Variants in PALM2AKAP2 observed in about 807,000 individuals in gnomAD.
PALM2AKAP2 encodes the protein PALM2-AKAP2 fusion protein.
In PALM2AKAP2, 37 loss-of-function variants were observed where a neutral mutation model predicts 71.5. The ratio of observed to expected loss-of-function variants is 0.52; its 90% CI spans 0.40 to 0.68. PALM2AKAP2 has a LOEUF of 0.68. PALM2AKAP2 is among the 30% of genes least tolerant of loss of function. The pLI is 0.00. For missense variants in PALM2AKAP2, 1,224 were observed against 1,191.8 expected (o/e 1.03, Z -0.40); for synonymous variants, 468 against 478.8 (o/e 0.98, Z 0.29).
chr9:109,965,662 G>A (rs1831932087), intron 6 of PALM2AKAP2, among the ~76,000 whole-genome samples: 1 of 152,148 alleles, frequency 6.6e-6, no homozygotes, highest in Non-Finnish European at 1.5e-5. Flanking sequence ...GGCGGTGATG[G>A]TTGCACAACA....
chr9:110,145,343 C>T (rs1324715919), intron 2 of PALM2AKAP2, among the ~76,000 whole-genome samples: 2 of 152,198 alleles, frequency 1.3e-5, no homozygotes, highest in African/African-American at 4.8e-5. Flanking sequence ...TCCACATCAG[C>T]CATCTAGCCT....
At chr9:109,781,759 A>C (rs1263009517) in intron 1 of PALM2AKAP2, among the ~76,000 whole-genome samples, 1 of 152,352 alleles carries the variant, frequency 6.6e-6, no homozygotes, top group East Asian at 1.9e-4. Flanking sequence ...TGGTTTGCCT[A>C]TTAGGTAATC....
intron 1 of PALM2AKAP2, among the ~76,000 whole-genome samples, chr9:109,852,381 T>C (rs1312922800): frequency 6.6e-6 from 1 of 152,218 alleles, no homozygotes; most frequent in Non-Finnish European, 1.5e-5. Flanking sequence ...CATTCTTTTT[T>C]ATGGCTGTGT....
chr9:110,042,073 C>T (rs1232422589), intron 7 of PALM2AKAP2, among the ~76,000 whole-genome samples: 1 of 152,154 alleles, frequency 6.6e-6, no homozygotes, highest in Admixed American at 6.5e-5. Flanking sequence ...TCAATGCAAA[C>T]AAGACCATAG....
intron 1 of PALM2AKAP2, among the ~76,000 whole-genome samples, chr9:109,654,450 T>C (rs1827267280): frequency 6.6e-6 from 1 of 152,214 alleles, no homozygotes; most frequent in Non-Finnish European, 1.5e-5. Context: ...AATGCATATT[T>C]GTTAATTAGA....
chr9:109,800,180 C>T (rs1261550807), intron 1 of PALM2AKAP2, among the ~76,000 whole-genome samples: 1 of 152,208 alleles, frequency 6.6e-6, no homozygotes, highest in Admixed American at 6.5e-5. Flanking sequence ...TGGAGATCAA[C>T]ACAAACACAC....
intron 3 of PALM2AKAP2, among the ~76,000 whole-genome samples, chr9:109,917,228 A>G (rs1830714439): frequency 6.6e-6 from 1 of 152,218 alleles, no homozygotes; most frequent in African/African-American, 2.4e-5. Flanking sequence ...GAAAAGGGCA[A>G]GGAAATGGAT....
intron 6 of PALM2AKAP2, among the ~76,000 whole-genome samples, chr9:109,990,358 C>T (rs1253480661): frequency 4.6e-5 from 7 of 152,160 alleles, no homozygotes; most frequent in Admixed American, 4.6e-4. Context: ...CCGTGCCTTG[C>T]CTGAACGCAT....
intron 1 of PALM2AKAP2, among the ~76,000 whole-genome samples, chr9:109,648,183 G>A (rs1167602263): frequency 6.6e-6 from 1 of 152,150 alleles, no homozygotes; most frequent in Non-Finnish European, 1.5e-5. Flanking sequence ...ATGATTGTAA[G>A]TTTCCTGAGG....
intron 1 of PALM2AKAP2, among the ~76,000 whole-genome samples, chr9:109,702,710 T>G (rs977616652): frequency 1.1e-4 from 17 of 151,068 alleles, no homozygotes; most frequent in African/African-American, 4.1e-4. Context: ...AACATGTACC[T>G]GCATGTTGTG....
At chr9:109,781,029 T>C (rs1829438120) in intron 1 of PALM2AKAP2, among the ~76,000 whole-genome samples, 1 of 152,196 alleles carries the variant, frequency 6.6e-6, no homozygotes, top group Non-Finnish European at 1.5e-5. Context: ...TTCCCTTCTC[T>C]GTTTGATATT....
At chr9:109,689,999 G>A (rs1162377732) in intron 1 of PALM2AKAP2, among the ~76,000 whole-genome samples, 1 of 152,134 alleles carries the variant, frequency 6.6e-6, no homozygotes, top group African/African-American at 2.4e-5. Context: ...CATCAAGAAT[G>A]GGGAAGAGTT....
chr9:110,093,270 C>A (rs952380931), intron 1 of PALM2AKAP2, among the ~76,000 whole-genome samples: 4 of 151,972 alleles, frequency 2.6e-5, no homozygotes, highest in African/African-American at 4.8e-5. Context: ...TATGAGATGA[C>A]AACTGTTTAC....
chr9:110,016,759 G>A (rs772982114), intron 7 of PALM2AKAP2, among the ~76,000 whole-genome samples: 4 of 152,166 alleles, frequency 2.6e-5, no homozygotes, highest in Admixed American at 6.5e-5. Flanking sequence ...AACAAAGGAT[G>A]GGGGTGGGAG....
chr9:109,643,002 G>A (rs2132225634), intron 1 of PALM2AKAP2, among the ~76,000 whole-genome samples: 1 of 150,284 alleles, frequency 6.7e-6, no homozygotes, highest in African/African-American at 2.4e-5. Flanking sequence ...GGGTGACAGA[G>A]CAAAACCTCA....
At chr9:109,836,226 T>C (rs1380141805) in intron 1 of PALM2AKAP2, among the ~76,000 whole-genome samples, 3 of 152,174 alleles carry the variant, frequency 2.0e-5, no homozygotes, top group Non-Finnish European at 2.9e-5. Flanking sequence ...TTCAGCAGTA[T>C]TCACTGTTCT....
intron 1 of PALM2AKAP2, among the ~76,000 whole-genome samples, chr9:109,754,903 C>T (rs1385533434): frequency 6.6e-6 from 1 of 152,082 alleles, no homozygotes; most frequent in Non-Finnish European, 1.5e-5. Context: ...TAGCACCATC[C>T]TAATAAATGG....
chr9:109,668,921 G>A lies in PALM2AKAP2; in HGVS notation c.5+28055G>A, dbSNP rs570600582. Among the ~76,000 whole-genome samples, 15 of 152,262 alleles carry A rather than the reference G, an allele frequency of 9.9e-5. No individual in the cohort carries two copies. In the East Asian group the frequency reaches 2.7e-3, roughly 27 times the overall value. On this transcript the variant is annotated intron_variant, in intron 1 of 6. Coordinates refer to the PALM2AKAP2 transcript ENST00000374531. ...AGATTCCATGTGATCATCAACAGCT[G>A]GGACCTATCTTGATACTCTCAAAGC...
In PALM2AKAP2 at chr9:110,009,258, A is replaced by C. The variant is rs138283976; in HGVS notation, c.497-6696A>C. On this transcript the variant is annotated intron_variant, in intron 6 of 9. Coordinates refer to the PALM2AKAP2 transcript ENST00000302798. ...CTCCCTCTGAGGCTTTGACCCTTTA[A>C]TTTTACTTTTACTTTTATTTTATTT... Among the ~76,000 whole-genome samples the C allele has an allele frequency of 1.3e-3, 196 of 151,960 alleles. 4 individuals carry two copies. The East Asian group carries it at 0.034, about 26-fold the overall frequency.
Sources: gnomAD v4.1 joint callset for allele counts (sites outside exome capture counted in the v4.1 genomes callset) on GRCh38, gnomAD v4.1.1 for gene constraint, MANE v1.5 for transcripts, NCBI Gene and HGNC (gene_info 2026-07-23, HGNC 2026-07-21) for gene names.